NLRC4: variants seen among roughly 807,000 people sequenced by gnomAD.
NLRC4 encodes NLR family CARD domain containing 4.
NLRC4 carries 63 observed loss-of-function variants against 79.9 expected under a neutral mutation model. The ratio of observed to expected loss-of-function variants is 0.79; its 90% CI spans 0.64 to 0.97. The LOEUF (loss-of-function observed/expected upper bound fraction) is 0.97. NLRC4 is among the 50% of genes least tolerant of loss of function. The pLI, the probability that NLRC4 is intolerant of heterozygous loss-of-function variation, is 0.00. For synonymous variants in NLRC4, 461 were observed against 456.5 expected (o/e 1.01, Z -0.12); for missense variants, 1,074 against 1,215.2 (o/e 0.88, Z 1.73).
At chr2:32,228,704 G>C (rs1255451470) in intron 8 of NLRC4, among the ~76,000 whole-genome samples, 1 of 151,878 alleles carries the variant, frequency 6.6e-6, no homozygotes, top group Non-Finnish European at 1.5e-5. Context: ...GATCTATACA[G>C]CAGAATGATT....
intron 2 of NLRC4, among the ~76,000 whole-genome samples, chr2:32,253,896 G>A (rs1440976136): frequency 2.0e-5 from 3 of 151,178 alleles, no homozygotes; most frequent in Admixed American, 6.6e-5. Context: ...CCTGGGAGGT[G>A]GAGGTTGCGG....
intron 1 of NLRC4, among the ~76,000 whole-genome samples, chr2:32,262,779 C>CA (rs911197930): frequency 0.017 from 2,219 of 132,596 alleles, 22 homozygotes; most frequent in Non-Finnish European, 0.023. Context: ...CTGTCTCAGA[C>CA]AAAAAAAAAA....
intron 8 of NLRC4, among the ~76,000 whole-genome samples, chr2:32,229,471 A>C (rs1160722243): frequency 6.6e-6 from 1 of 152,106 alleles, no homozygotes; most frequent in Non-Finnish European, 1.5e-5. Context: ...TGCAGCCTGG[A>C]ACAAAACAAA....
chr2:32,232,462 A>G (rs1686560562), intron 8 of NLRC4, among the ~76,000 whole-genome samples: 1 of 152,152 alleles, frequency 6.6e-6, no homozygotes, highest in Non-Finnish European at 1.5e-5. Context: ...CCCATCTACT[A>G]TATTTCATTT....
At chr2:32,246,876 A>G (rs1686949952) in intron 4 of NLRC4, among the ~76,000 whole-genome samples, 1 of 152,172 alleles carries the variant, frequency 6.6e-6, no homozygotes, top group Admixed American at 6.5e-5. Flanking sequence ...CCTGGGCTCA[A>G]GTGATCCTCC....
At chr2:32,230,652 A>G (rs920814726) in intron 8 of NLRC4, among the ~76,000 whole-genome samples, 4 of 151,592 alleles carry the variant, frequency 2.6e-5, no homozygotes, top group Non-Finnish European at 5.9e-5. Flanking sequence ...TTTTCATACT[A>G]CATTTTTTAA....
Position 32,241,415 on chromosome 2 carries a change from C to T in NLRC4, c.2258-290G>A, listed in dbSNP as rs189896004. On this transcript the variant is annotated intron_variant, in intron 4 of 8. Coordinates refer to ENST00000402280, the MANE Select transcript of NLRC4 (RefSeq NM_001199138.2). ...TTTTTGAGACAGAGTCTTGCTCTGT[C>T]GCCCAGGCTAGAGTGCAGTGGCGCA... Among the ~76,000 whole-genome samples, 106 of 120,714 alleles carry T rather than the reference C, an allele frequency of 8.8e-4. 2 individuals carry two copies. In the East Asian group the frequency reaches 0.022, roughly 25 times the overall value. 79.2% of individuals were successfully genotyped at this position (120,714 alleles called of 152,430 possible).
chr2:32,253,313 C>T (rs1158770635), intron 2 of NLRC4, among the ~76,000 whole-genome samples: 4 of 151,768 alleles, frequency 2.6e-5, no homozygotes, highest in African/African-American at 9.7e-5. Flanking sequence ...CCACACTCAG[C>T]TAATTTTTCT....
At chr2:32,244,128 T>C (rs1055284413) in intron 4 of NLRC4, among the ~76,000 whole-genome samples, 7 of 152,160 alleles carry the variant, frequency 4.6e-5, no homozygotes, top group Admixed American at 6.5e-5. Context: ...TTCACACTTA[T>C]GGTCCCAGCT....
At chr2:32,225,638 G>T (rs949301733) in intron 8 of NLRC4, among the ~76,000 whole-genome samples, 1 of 152,102 alleles carries the variant, frequency 6.6e-6, no homozygotes, top group Non-Finnish European at 1.5e-5. Context: ...ATATTAAATT[G>T]TGCAAAGCGT....
chr2:32,225,572 G>C (rs1281858732), intron 8 of NLRC4, among the ~76,000 whole-genome samples: 1 of 152,106 alleles, frequency 6.6e-6, no homozygotes, highest in Non-Finnish European at 1.5e-5. Context: ...CCATCATACA[G>C]ATTGGCCAGT....
intron 3 of NLRC4, 28 bp from the exon 4 acceptor site, chr2:32,251,629 A>C (rs1185329892): frequency 2.0e-6 from 3 of 1,490,718 alleles, no homozygotes; most frequent in Admixed American, 4.0e-5. Flanking sequence ...ATGTTAAAGA[A>C]GACCCAATTC....
At chr2:32,246,932 C>T (rs906017997) in intron 4 of NLRC4, among the ~76,000 whole-genome samples, 1 of 152,130 alleles carries the variant, frequency 6.6e-6, no homozygotes, top group East Asian at 1.9e-4. Flanking sequence ...TGCACCATCA[C>T]GCCCAGATGA....
rs113124376 is a variant in NLRC4, at chr2:32,250,095, T to C, written c.1769A>G (p.Asn590Ser). The change falls in exon 4 of 9, where the codon AAC becomes AGC. Residue 590 changes from asparagine to serine, a missense_variant. Physicochemically the swap from Asn to Ser is conservative, Grantham distance 46. Coordinates refer to ENST00000402280, the MANE Select transcript of NLRC4 (RefSeq NM_001199138.2). This position sits in a 1 kb window ranked among gnomAD's most constrained non-coding sequence, Gnocchi z 4.9. ...GAAGTCAAATAAGTAATCGGGGATG[T>C]TCCCTGAGTTGATATATAAGCTTTT... ...QGKSLYINSG[N>S]IPDYLFDFFE... 3.0e-5 allele frequency: 49 copies of C among 1,614,218 alleles called. 1 individual carries two copies. Among genetic ancestry groups the C allele is most frequent in the African/African-American group, 2.7e-4 (20 of 75,070 alleles).
intron 1 of NLRC4, among the ~76,000 whole-genome samples, chr2:32,262,734 C>G (rs1178086452): frequency 3.3e-5 from 5 of 151,870 alleles, no homozygotes; most frequent in African/African-American, 1.2e-4. Flanking sequence ...CAAGATAGCA[C>G]CATTGCACTC....
chr2:32,238,674 G>GATC (rs1686727552), intron 5 of NLRC4, among the ~76,000 whole-genome samples: 1 of 150,692 alleles, frequency 6.6e-6, no homozygotes, highest in Non-Finnish European at 1.5e-5. Context: ...CGGGGGGGCT[G>GATC]AGTTCAGGGA....
In NLRC4 at chr2:32,250,284, G is replaced by A; in HGVS notation, c.1580C>T (p.Pro527Leu). 6.2e-7 allele frequency: 1 copy of A among 1,614,194 alleles called. No individual in the cohort carries two copies. The highest frequency in any genetic ancestry group is 8.5e-7 in the Non-Finnish European group (1 of 1,180,036). Residue 527 changes from proline to leucine, a missense_variant, in exon 4 of 9, where the codon CCT becomes CTT. By Grantham distance (98) the Pro-to-Leu change is moderately conservative. Coordinates refer to ENST00000402280, the MANE Select transcript of NLRC4 (RefSeq NM_001199138.2). This position sits in a 1 kb window ranked among gnomAD's most constrained non-coding sequence, Gnocchi z 4.9. ...TTGCAAAGATTCCTGTCTCCAGAGA[G>A]GCCTCTTGGCGATGGAAAGTCCGAG... is the stretch of plus-strand genomic sequence containing the variant. Reference protein sequence around the residue: ...CLLGLSIAKRPLWRQESLQSV... With the variant: ...CLLGLSIAKRLLWRQESLQSV...
intron 2 of NLRC4, among the ~76,000 whole-genome samples, chr2:32,253,285 G>A (rs138529890): frequency 0.02 from 3,044 of 151,818 alleles, 40 homozygotes; most frequent in Non-Finnish European, 0.032. Context: ...GAGTAGCTGG[G>A]ATTACAGGCA....
chr2:32,228,439 C>T (rs902221543), intron 8 of NLRC4, among the ~76,000 whole-genome samples: 1 of 152,140 alleles, frequency 6.6e-6, no homozygotes, highest in Non-Finnish European at 1.5e-5. Flanking sequence ...AACTCCCTAT[C>T]AACTTGTGTC....
Sources: allele counts gnomAD v4.1 joint callset (sites outside exome capture counted in the v4.1 genomes callset), GRCh38; gene constraint gnomAD v4.1.1; non-coding constraint Gnocchi (gnomAD v3.1); transcripts MANE v1.5; gene names NCBI Gene and HGNC (gene_info 2026-07-23, HGNC 2026-07-21).